The following DYNC2H1 variants were observed in gnomAD, a reference collection of about 807,000 sequenced individuals.
DYNC2H1 encodes dynein cytoplasmic 2 heavy chain 1.
In DYNC2H1, 410 loss-of-function variants were observed where a neutral mutation model predicts 570.0. The observed-to-expected ratio is 0.72, with a 90% CI of 0.66 to 0.78. The LOEUF is 0.78. Ranked by LOEUF, DYNC2H1 falls within the 30% of genes least tolerant of loss-of-function variation. The pLI is 0.00. For synonymous variants in DYNC2H1, 1,688 were observed against 1,677.6 expected, an observed-to-expected ratio of 1.01 and a Z score of -0.15; for missense variants, 4,865 against 5,046.4, an observed-to-expected ratio of 0.96 and a Z score of 1.09.
intron 84 of DYNC2H1, among the ~76,000 whole-genome samples, chr11:103,425,981 C>T (rs573854616): frequency 6.6e-6 from 1 of 152,156 alleles, no homozygotes; most frequent in East Asian, 1.9e-4. Flanking sequence ...GTGACATGTA[C>T]GTGATGGCCA....
chr11:103,304,899 A>C (rs1185156978), intron 77 of DYNC2H1, among the ~76,000 whole-genome samples, 179 bp downstream of exon 77: 1 of 152,206 alleles, frequency 6.6e-6, no homozygotes, highest in Non-Finnish European at 1.5e-5. Flanking sequence ...CATTAATAGG[A>C]AGTCTATAAA....
At chr11:103,166,090 T>C in intron 31 of DYNC2H1, 42 bp downstream of exon 31, 2 of 1,453,650 alleles carry the variant, frequency 1.4e-6, no homozygotes, top group Non-Finnish European at 9.1e-7. Context: ...TTTTGGGTTA[T>C]TTTTTGGTAT....
chr11:103,141,913 C>T (rs1037162406), intron 17 of DYNC2H1, among the ~76,000 whole-genome samples: 9 of 152,322 alleles, frequency 5.9e-5, no homozygotes, highest in East Asian at 1.9e-4. Context: ...TGGGCAATGG[C>T]GGGTGCCCCT....
At chr11:103,211,975 C>T (rs1484630657) in intron 54 of DYNC2H1, 32 bp downstream of exon 54, 2 of 1,484,040 alleles carry the variant, frequency 1.3e-6, no homozygotes, top group South Asian at 2.8e-5. Flanking sequence ...ATTATTTTAT[C>T]TATATATAGG....
rs191381310 is a variant in DYNC2H1, at chr11:103,153,376, G to T, written c.3170G>T (p.Arg1057Leu). ...YYQELEKFKA[R>L]WDQLKPGDDV... ...CAAGAACTGGAAAAATTTAAAGCTC[G>T]TTGGGACCAACTAAAGCCTGGTGAT... The change falls in exon 22 of 89, where the codon CGT (arginine) becomes CTT (leucine). Residue 1057 changes from arginine to leucine, a missense_variant. Arg to Leu is a moderately radical substitution (Grantham distance 102). Coordinates refer to ENST00000375735, the MANE Select transcript of DYNC2H1 (RefSeq NM_001377.3). 9 of 1,550,726 alleles carry T rather than the reference G, an allele frequency of 5.8e-6. No homozygotes were observed. In the South Asian group the frequency reaches 8.4e-5, roughly 15 times the overall value.
chr11:103,335,048 T>C (rs1350358282), intron 82 of DYNC2H1, among the ~76,000 whole-genome samples: 1 of 152,130 alleles, frequency 6.6e-6, no homozygotes, highest in Non-Finnish European at 1.5e-5. Flanking sequence ...TATTAGGGCT[T>C]TCATGGATTA....
intron 84 of DYNC2H1, chr11:103,402,489 C>T (rs1565566514): frequency 6.6e-6 from 1 of 152,038 alleles, no homozygotes; most frequent in African/African-American, 2.4e-5. Flanking sequence ...AGTGAAATCA[C>T]ATGGCCAGGC....
intron 79 of DYNC2H1, among the ~76,000 whole-genome samples, chr11:103,315,095 T>C (rs1226658700): frequency 6.6e-6 from 1 of 151,946 alleles, no homozygotes; most frequent in Non-Finnish European, 1.5e-5. Context: ...ACAATGTTCT[T>C]TTTTTAAAAA....
Position 103,451,872 on chromosome 11 carries a change from C to A in DYNC2H1, c.12457-3314C>A, listed in dbSNP as rs76672259. Among the ~76,000 whole-genome samples, 415 of 152,026 alleles carry A rather than the reference C, an allele frequency of 2.7e-3. 7 individuals carry two copies. In the East Asian group the frequency reaches 0.059, roughly 21 times the overall value. On this transcript the variant is annotated intron_variant, in intron 85 of 88. Coordinates refer to ENST00000375735, the MANE Select transcript of DYNC2H1 (RefSeq NM_001377.3). ...TGCCACTTTGTTAATGTTATTAACT[C>A]ATTTTCATATTTGTGGTAAATGTGT...
intron 85 of DYNC2H1, among the ~76,000 whole-genome samples, chr11:103,437,721 T>G (rs1944113090): frequency 6.6e-6 from 1 of 152,168 alleles, no homozygotes; most frequent in Non-Finnish European, 1.5e-5. Context: ...TATAATTGCA[T>G]GGCTGTGATA....
chr11:103,210,346 C>A (rs1342603930), intron 53 of DYNC2H1, among the ~76,000 whole-genome samples: 1 of 151,916 alleles, frequency 6.6e-6, no homozygotes, highest in East Asian at 1.9e-4. Flanking sequence ...TTATGACATT[C>A]TTTGAATATG....
Position 103,358,344 on chromosome 11 carries a change from G to C in DYNC2H1, c.12141G>C (p.Trp4047Cys). Residue 4047 changes from tryptophan (W) to cysteine (C), a missense_variant, in exon 83 of 89, where the codon TGG (tryptophan) becomes TGC (cysteine). Physicochemically the swap from Trp to Cys is radical, Grantham distance 215. This residue lies in a region of DYNC2H1 where 2,401 missense variants were observed against 2,454.6 expected (regional missense o/e 0.98). Coordinates refer to ENST00000375735, the MANE Select transcript of DYNC2H1 (RefSeq NM_001377.3). ...AACTTTCTCCTGTCCTCAATCTCTG[G>C]AAGAAACTAAACCAGGTTAGTAGTG... ...SNELSPVLNL[W>C]KKLNQNSNLI... is the part of the protein sequence containing the mutation. 1.3e-6 allele frequency: 2 copies of C among 1,573,062 alleles called. No homozygotes were observed. Among genetic ancestry groups the C allele is most frequent in the Non-Finnish European group, 8.6e-7 (1 of 1,156,102 alleles).
chr11:103,282,061 G>A (rs924845144), intron 71 of DYNC2H1, 118 bp from the exon 72 acceptor site: 13 of 718,598 alleles, frequency 1.8e-5, no homozygotes, highest in Admixed American at 1.4e-4. Flanking sequence ...GTGGTAAGAT[G>A]GAAATGAGTA....
At chr11:103,377,919 T>G (rs1393702554) in intron 83 of DYNC2H1, among the ~76,000 whole-genome samples, 1 of 133,894 alleles carries the variant, frequency 7.5e-6, no homozygotes, top group East Asian at 2.3e-4. Context: ...GTATTTTTAG[T>G]AGAGACAGGG....
intron 85 of DYNC2H1, among the ~76,000 whole-genome samples, chr11:103,453,332 T>A (rs537753688): frequency 1.3e-5 from 2 of 152,140 alleles, no homozygotes; most frequent in African/African-American, 4.8e-5. Flanking sequence ...CTTCTTTATT[T>A]TCATGCTTAT....
In DYNC2H1 at chr11:103,189,779, A is replaced by C; in HGVS notation, c.7400A>C (p.Tyr2467Ser). 6.2e-7 allele frequency: 1 copy of C among 1,611,522 alleles called. No individual in the cohort carries two copies. The highest frequency in any genetic ancestry group is 8.5e-7 in the Non-Finnish European group (1 of 1,179,148). ...ATTTGGGGTTCTTCATCAAAAATTT[A>C]TCTTTTAGCAGGATCTATGGTACAA... is the stretch of plus-strand genomic sequence containing the variant. ...HSIWGSSSKIYLLAGSMVQVY... is the reference protein window; with the variant it reads ...HSIWGSSSKISLLAGSMVQVY... Residue 2467 changes from tyrosine (Y) to serine (S), a missense_variant, in exon 45 of 89, where the codon TAT becomes TCT. Tyr to Ser is a moderately radical substitution (Grantham distance 144, BLOSUM62 -2). Coordinates refer to ENST00000375735, the MANE Select transcript of DYNC2H1 (RefSeq NM_001377.3). The surrounding 1 kb of genome is among the most constrained non-coding windows in gnomAD (Gnocchi z 4.3).
chr11:103,378,474 A>C (rs188024601), intron 83 of DYNC2H1, among the ~76,000 whole-genome samples: 113 of 152,300 alleles, frequency 7.4e-4, no homozygotes, highest in Non-Finnish European at 1.4e-3. Context: ...GGGATACTGC[A>C]AATGGAGAGT....
chr11:103,477,856 A>AAAAAAAAAAC (rs1945609363), intron 88 of DYNC2H1, among the ~76,000 whole-genome samples: 1 of 143,944 alleles, frequency 6.9e-6, no homozygotes. Context: ...AAAAAAAAAA[A>AAAAAAAAAAC]GATCAATTAT....
intron 12 of DYNC2H1, among the ~76,000 whole-genome samples, chr11:103,127,188 CT>C (rs1345460758): frequency 1.3e-5 from 2 of 152,166 alleles, no homozygotes; most frequent in Non-Finnish European, 2.9e-5. Context: ...AGAGCGACTA[CT>C]TAAAAGCAGA....
Sources: gnomAD v4.1 joint callset for allele counts (sites outside exome capture counted in the v4.1 genomes callset) on GRCh38, gnomAD v4.1.1 for gene constraint, gnomAD v4.1.1 regional missense constraint, Gnocchi (gnomAD v3.1) non-coding constraint, MANE v1.5 for transcripts, NCBI Gene and HGNC (gene_info 2026-07-23, HGNC 2026-07-21) for gene names.